The following OR10A3 variants were observed in gnomAD, a reference collection of about 807,000 sequenced individuals.
OR10A3 encodes olfactory receptor 10A3.
In OR10A3, 1 loss-of-function variant was observed where a neutral mutation model predicts 1.5. That is an observed-to-expected ratio of 0.66 (90% CI 0.23 to 3.11). The LOEUF is 3.11. Among genes scored for constraint, OR10A3 ranks in the 30% most tolerant of loss-of-function variants. The pLI, the probability that OR10A3 is intolerant of heterozygous loss-of-function variation, is 0.21. For missense variants in OR10A3, 398 were observed against 369.7 expected, an observed-to-expected ratio of 1.08 and a Z score of -0.63; for synonymous variants, 145 against 143.7, an observed-to-expected ratio of 1.01 and a Z score of -0.06.
In OR10A3 at chr11:7,938,683, A is replaced by T. The variant is rs1436456600; in HGVS notation, c.838T>A (p.Leu280Met). 1.2e-6 allele frequency: 2 copies of T among 1,614,100 alleles called. No individual in the cohort carries two copies. The highest frequency in any genetic ancestry group is 2.7e-5 in the African/African-American group (2 of 74,940). Residue 280 changes from leucine to methionine, a missense_variant, in exon 2 of 2, where the codon TTG (leucine) becomes ATG (methionine). Coordinates refer to ENST00000642047, the MANE Select transcript of OR10A3 (RefSeq NM_001003745.2). Reference protein sequence around the residue: ...TKKLISLAYTLLTPLLNPLIY... With the variant: ...TKKLISLAYTMLTPLLNPLIY... ...AGCGGATTGAGCAGAGGGGTAAGCA[A>T]CGTGTAAGCCAATGAGATCAGTTTC...
chr11:7,940,785 A>G (rs891089304), intron 1 of OR10A3, among the ~76,000 whole-genome samples: 1 of 152,222 alleles, frequency 6.6e-6, no homozygotes, highest in Non-Finnish European at 1.5e-5. Flanking sequence ...GAGAAAAAGC[A>G]TAAGGAGGAA....
chr11:7,938,193 A>T lies in OR10A3; in HGVS notation c.*383T>A, dbSNP rs1440587191. ...GTGGCGCATGCCTGTAATCCCAACT[A>T]CTCGGGAGGCTGAGGCAGGAGAATT... On this transcript the variant is annotated 3_prime_UTR_variant, in exon 2 of 2. Transcript: ENST00000642047. The T allele has an allele frequency of 1.2e-5, 2 of 169,590 alleles. No homozygotes were observed. The highest frequency in any genetic ancestry group is 2.4e-5 in the African/African-American group (1 of 41,338). 10.5% of individuals were successfully genotyped at this position (169,590 alleles called of 1,614,324 possible). A position where few individuals can be genotyped will look rare whatever the true frequency, so the allele number is the denominator to read the frequency against.
chr11:7,941,536 A>C (rs893455028), intron 1 of OR10A3, 51 bp downstream of exon 1: 1 of 152,184 alleles, frequency 6.6e-6, no homozygotes, highest in Non-Finnish European at 1.5e-5. Flanking sequence ...AGATCTAATT[A>C]CTGTCGAACT....
At position 7,938,605 on chromosome 11, in the gene OR10A3, G is replaced by A. The variant is rs201900494; in HGVS notation, c.916C>T (p.Arg306Ter). 109 of 1,612,280 alleles carry A rather than the reference G, an allele frequency of 6.8e-5. 1 individual carries two copies. The highest frequency in any genetic ancestry group is 1.8e-4 in the East Asian group (8 of 44,874). Residue 306 changes from arginine to a stop codon, truncating the protein, a stop_gained, in exon 2 of 2, where the codon CGA (arginine) becomes TGA (stop). Coordinates refer to ENST00000642047, the MANE Select transcript of OR10A3 (RefSeq NM_001003745.2). LOFTEE classifies it high-confidence loss of function. ...EMKRTLIKLWRRKVILHTF is the reference protein window; with the variant it reads ...EMKRTLIKLW ...AATGTGTGTAAAATCACTTTTCTTC[G>A]CCATAGTTTTATCAAAGTCCTCTTC...
chr11:7,941,492 A>T (rs1271597901), intron 1 of OR10A3, 95 bp downstream of exon 1: 9 of 152,182 alleles, frequency 5.9e-5, no homozygotes, highest in Non-Finnish European at 1.2e-4. Flanking sequence ...ACATACCTCT[A>T]AGAATTGATG....
At position 7,939,080 on chromosome 11, in the gene OR10A3, G is replaced by C; in HGVS notation, c.441C>G (p.Phe147Leu). Reference sequence around the variant, plus strand: ...CCACCATGATCCCTGAGATCCATGAGAATATTACTAATTTCATAAAAACCC... The same window carrying C: ...CCACCATGATCCCTGAGATCCATGACAATATTACTAATTTCATAAAAACCC... Reference protein sequence around the residue: ...NRGVFMKLVIFSWISGIMVAT... With the variant: ...NRGVFMKLVILSWISGIMVAT... The change falls in exon 2 of 2, where the codon TTC becomes TTG. Residue 147 changes from phenylalanine to leucine, a missense_variant. Transcript: ENST00000642047. 6.2e-7 allele frequency: 1 copy of C among 1,614,032 alleles called. No individual in the cohort carries two copies. The highest frequency in any genetic ancestry group is 8.5e-7 in the Non-Finnish European group (1 of 1,180,000).
chr11:7,938,586 T>C lies in OR10A3; in HGVS notation c.935A>G (p.His312Arg), dbSNP rs1174121764. 6.2e-7 allele frequency: 1 copy of C among 1,609,912 alleles called. No homozygotes were observed. Among genetic ancestry groups the C allele is most frequent in the African/African-American group, 1.3e-5 (1 of 74,882 alleles). Residue 312 changes from histidine (H) to arginine (R), a missense_variant, in exon 2 of 2, where the codon CAC becomes CGC. By Grantham distance (29) the His-to-Arg change is conservative (BLOSUM62 0). Coordinates refer to ENST00000642047, the MANE Select transcript of OR10A3 (RefSeq NM_001003745.2). ...IKLWRRKVIL[H>R]TF ...AGCTTCTCAACACAATCAGAATGTG[T>C]GTAAAATCACTTTTCTTCGCCATAG...
chr11:7,940,857 C>G (rs1459940731), intron 1 of OR10A3, among the ~76,000 whole-genome samples: 1 of 152,104 alleles, frequency 6.6e-6, no homozygotes, highest in African/African-American at 2.4e-5. Flanking sequence ...GACCTCCAAA[C>G]TGGACTTTGT....
Position 7,938,942 on chromosome 11 carries a change from G to A in OR10A3, c.579C>T (p.Phe193=), listed in dbSNP as rs1258716123. The A allele has an allele frequency of 1.9e-6, 3 of 1,613,998 alleles. No homozygotes were observed. The highest frequency in any genetic ancestry group is 2.7e-5 in the African/African-American group (2 of 74,908). Residue 193 remains phenylalanine (F), a synonymous_variant, in exon 2 of 2, where the codon TTC becomes TTT. Transcript: ENST00000642047. ...CTGTGAAGGCATAGATTTCAAATAA[G>A]AAGGTGTCTGCACACACAAGCTCTA... is the stretch of plus-strand genomic sequence containing the variant. ...PVLELVCADT[F]LFEIYAFTGT...
At chr11:7,940,847 G>A (rs1021030177) in intron 1 of OR10A3, among the ~76,000 whole-genome samples, 1 of 152,126 alleles carries the variant, frequency 6.6e-6, no homozygotes, top group African/African-American at 2.4e-5. Context: ...TACTAGCATG[G>A]ACCTCCAAAC....
chr11:7,938,726 G>A lies in OR10A3; in HGVS notation c.795C>T (p.Gly265=), dbSNP rs1941391805. The part of the protein sequence containing the change: ...ANMTYLQPKS[G]YSPETKKLIS... ...TCAGTTTCTTGGTTTCGGGTGAGTAGCCAGATTTGGGTTGTAAATAAGTCA... is the reference window on the plus strand; with the variant it reads ...TCAGTTTCTTGGTTTCGGGTGAGTAACCAGATTTGGGTTGTAAATAAGTCA... The change falls in exon 2 of 2, where the codon GGC becomes GGT. Residue 265 remains glycine (G), a synonymous_variant. Transcript: ENST00000642047. 1 of 1,614,214 alleles carries A rather than the reference G, an allele frequency of 6.2e-7. No homozygotes were observed. Among genetic ancestry groups the A allele is most frequent in the African/African-American group, 1.3e-5 (1 of 75,054 alleles).
chr11:7,940,259 G>A (rs985802580), intron 1 of OR10A3, among the ~76,000 whole-genome samples: 9 of 152,090 alleles, frequency 5.9e-5, no homozygotes, highest in Admixed American at 1.3e-4. Context: ...AGTCCCATGC[G>A]GAGATGACCA....
At position 7,939,201 on chromosome 11, in the gene OR10A3, A is replaced by G. The variant is rs772037149; in HGVS notation, c.320T>C (p.Phe107Ser). The G allele has an allele frequency of 6.2e-6, 10 of 1,614,108 alleles. No individual in the cohort carries two copies. The highest frequency in any genetic ancestry group is 4.4e-5 in the South Asian group (4 of 91,090). Residue 107 changes from phenylalanine to serine, a missense_variant, in exon 2 of 2, where the codon TTT becomes TCT. Phe to Ser is a radical substitution (Grantham distance 155, BLOSUM62 -2). Coordinates refer to ENST00000642047, the MANE Select transcript of OR10A3 (RefSeq NM_001003745.2). ...CFAQMYFILL[F>S]GGTECFLLGA... ...CAGGAGAAAACATTCAGTCCCACCA[A>G]AAAGAAGGATGAAATACATCTGTGC...
Position 7,938,368 on chromosome 11 carries a change from A to G in OR10A3, c.*208T>C. ...TTGGATGTTCATAATAGAGAAATGG[A>G]TGAATAAACTGTTGTGTCATGTTAT... On this transcript the variant is annotated 3_prime_UTR_variant, in exon 2 of 2. Transcript: ENST00000642047. 4.0e-6 allele frequency: 2 copies of G among 494,310 alleles called. No homozygotes were observed. Among genetic ancestry groups the G allele is most frequent in the East Asian group, 3.2e-5 (1 of 30,960 alleles). 30.6% of individuals were successfully genotyped at this position (494,310 alleles called of 1,614,324 possible).
At chr11:7,940,421 C>A (rs1227257742) in intron 1 of OR10A3, among the ~76,000 whole-genome samples, 1 of 152,124 alleles carries the variant, frequency 6.6e-6, no homozygotes, top group Non-Finnish European at 1.5e-5. Flanking sequence ...GTCCTCCTGG[C>A]CTCACGAGTC....
rs370046866 is a variant in OR10A3 at position 7,938,746 on chromosome 11, A to G, written c.775T>C (p.Tyr259His). 7.0e-5 allele frequency: 113 copies of G among 1,614,078 alleles called. No homozygotes were observed. The highest frequency in any genetic ancestry group is 9.2e-5 in the Non-Finnish European group (109 of 1,180,042). The change falls in exon 2 of 2, where the codon TAT becomes CAT. Residue 259 changes from tyrosine to histidine, a missense_variant. By Grantham distance (83) the Tyr-to-His change is moderately conservative. Coordinates refer to ENST00000642047, the MANE Select transcript of OR10A3 (RefSeq NM_001003745.2). ...GAGTAGCCAGATTTGGGTTGTAAAT[A>G]AGTCATATTGGCTGTGCCATAGAAC... Reference protein sequence around the residue: ...TLFYGTANMTYLQPKSGYSPE... With the variant: ...TLFYGTANMTHLQPKSGYSPE...
Position 7,939,261 on chromosome 11 carries a change from G to A in OR10A3, c.260C>T (p.Thr87Ile). The A allele has an allele frequency of 6.2e-7, 1 of 1,614,216 alleles. No individual in the cohort carries two copies. Among genetic ancestry groups the A allele is most frequent in the Non-Finnish European group, 8.5e-7 (1 of 1,180,034 alleles). ...ITPEMLVVLS[T>I]EKTMISFVGC... Reference sequence around the variant, plus strand: ...CACAAAAGAAATCATAGTTTTCTCAGTAGAGAGCACCACCAGCATTTCAGG... The same window carrying A: ...CACAAAAGAAATCATAGTTTTCTCAATAGAGAGCACCACCAGCATTTCAGG... Residue 87 changes from threonine to isoleucine, a missense_variant, in exon 2 of 2, where the codon ACT becomes ATT. Transcript: ENST00000642047.
At chr11:7,941,331 A>G (rs575729162) in intron 1 of OR10A3, among the ~76,000 whole-genome samples, 1 of 152,314 alleles carries the variant, frequency 6.6e-6, no homozygotes, top group South Asian at 2.1e-4. Flanking sequence ...ATAAAACAAC[A>G]TAATGCTGAT....
chr11:7,938,044 C>G lies in OR10A3; in HGVS notation c.*532G>C, dbSNP rs978429646. 3.2e-5 allele frequency: 5 copies of G among 156,246 alleles called. No individual in the cohort carries two copies. The highest frequency in any genetic ancestry group is 1.2e-4 in the Admixed American group (2 of 16,176). The allele number at this position is 156,246 out of a possible 1,614,324, so 9.7% of individuals were successfully genotyped here. On this transcript the variant is annotated 3_prime_UTR_variant, in exon 2 of 2. Coordinates refer to ENST00000642047, the MANE Select transcript of OR10A3 (RefSeq NM_001003745.2). ...CCAGGCCAGGCGTGGTGGCTCACACCTGTAATCACAGCGCTTTGGGAGGCC... is the reference window on the plus strand; with the variant it reads ...CCAGGCCAGGCGTGGTGGCTCACACGTGTAATCACAGCGCTTTGGGAGGCC...
Sources: allele counts gnomAD v4.1 joint callset (sites outside exome capture counted in the v4.1 genomes callset), GRCh38; gene constraint gnomAD v4.1.1; transcripts MANE v1.5; gene names NCBI Gene and HGNC (gene_info 2026-07-23, HGNC 2026-07-21).